ZNF503: variants seen among roughly 807,000 people sequenced by gnomAD.
The protein encoded by ZNF503 is NocA-like zinc finger 2.
In ZNF503, 15 loss-of-function variants were observed where a neutral mutation model predicts 34.4. The observed-to-expected ratio is 0.44, with a 90% CI of 0.29 to 0.67. ZNF503 has a LOEUF of 0.67. Among genes scored for constraint, ZNF503 ranks in the 30% least tolerant of loss-of-function variants. ZNF503 has a pLI of 0.13. For missense variants in ZNF503, 1,007 were observed against 926.8 expected, an observed-to-expected ratio of 1.09 and a Z score of -1.12; for synonymous variants, 580 against 456.8, an observed-to-expected ratio of 1.27 and a Z score of -3.44.
the ZNF503 span, among the ~76,000 whole-genome samples, chr10:75,391,829 A>C: frequency 6.6e-6 from 1 of 151,564 alleles, no homozygotes; most frequent in South Asian, 2.1e-4. Flanking sequence ...TTGAGCACCT[A>C]CTATGTTCCA....
chr10:75,363,392 C>G, the ZNF503 span, among the ~76,000 whole-genome samples: 1 of 152,176 alleles, frequency 6.6e-6, no homozygotes. Flanking sequence ...GCATCCTTCT[C>G]AGAGACCGGA....
At chr10:75,336,751 G>C in the ZNF503 span, among the ~76,000 whole-genome samples, 37 of 152,286 alleles carry the variant, frequency 2.4e-4, no homozygotes, top group South Asian at 7.5e-3. Context: ...CATTCAGGTT[G>C]TTGGCAGATT....
the ZNF503 span, among the ~76,000 whole-genome samples, chr10:75,311,978 C>T: frequency 6.6e-6 from 1 of 151,900 alleles, no homozygotes. Flanking sequence ...CTTCTGGCCT[C>T]AAGTGGTCCG....
At chr10:75,376,132 A>G in the ZNF503 span, among the ~76,000 whole-genome samples, 1 of 152,152 alleles carries the variant, frequency 6.6e-6, no homozygotes, top group African/African-American at 2.4e-5. Flanking sequence ...CTTGCTCTTA[A>G]GAAGTGCCAG....
the ZNF503 span, among the ~76,000 whole-genome samples, chr10:75,332,851 A>T: frequency 7.0e-6 from 1 of 142,860 alleles, no homozygotes; most frequent in Non-Finnish European, 1.5e-5. Flanking sequence ...GCAGAACAAA[A>T]TGAAAAGTCT....
rs1589132827 is a variant in ZNF503, at chr10:75,398,645, TC to T, written c.*103del. 6.4e-6 allele frequency: 7 copies of T among 1,092,826 alleles called. No individual in the cohort carries two copies. In the East Asian group the frequency reaches 1.9e-4, roughly 29 times the overall value. 67.7% of individuals were successfully genotyped at this position (1,092,826 alleles called of 1,614,324 possible). On this transcript the variant is annotated 3_prime_UTR_variant, in exon 2 of 2. Transcript: ENST00000372524. ...TTCTTTCCTTTCGTGGCCCGAGTCC[TC>T]CCCACGCGCGGGTGTCAGCAGCCTG...
the ZNF503 span, among the ~76,000 whole-genome samples, chr10:75,297,886 G>A: frequency 6.6e-6 from 1 of 152,076 alleles, no homozygotes; most frequent in South Asian, 2.1e-4. Context: ...TCTCATCCCA[G>A]CTTCTCCCCA....
intron 1 of ZNF503, 73 bp downstream of exon 1, chr10:75,401,032 C>A: frequency 6.3e-7 from 1 of 1,598,700 alleles, no homozygotes; most frequent in South Asian, 1.1e-5. Context: ...CCGCCCAGAT[C>A]CCGAGAAAAA....
At chr10:75,360,793 A>C in the ZNF503 span, 146 of 152,374 alleles carry the variant, frequency 9.6e-4, no homozygotes, top group African/African-American at 3.3e-3. Context: ...AAATCCATGG[A>C]GAATCTTCAA....
At chr10:75,306,439 G>T in the ZNF503 span, among the ~76,000 whole-genome samples, 1 of 152,024 alleles carries the variant, frequency 6.6e-6, no homozygotes, top group Admixed American at 6.6e-5. Flanking sequence ...ACATATTCTG[G>T]ATATAAATCT....
chr10:75,318,136 G>A, the ZNF503 span, among the ~76,000 whole-genome samples: 3 of 152,044 alleles, frequency 2.0e-5, no homozygotes, highest in Non-Finnish European at 2.9e-5. Context: ...GTAAGATTGT[G>A]GTAATAATTT....
Position 75,399,923 on chromosome 10 carries a change from T to C in ZNF503, c.767A>G (p.Lys256Arg). ...GGAPEGKDDK[K>R]DTDVGGGGKG... ...GCCACCGCCGCCCACGTCGGTGTCT[T>C]TCTTGTCGTCCTTGCCCTCCGGGGC... is the stretch of plus-strand genomic sequence containing the variant. The change falls in exon 2 of 2, where the codon AAA becomes AGA. Residue 256 changes from lysine (K) to arginine (R), a missense_variant. Coordinates refer to ENST00000372524, the MANE Select transcript of ZNF503 (RefSeq NM_032772.6). The C allele has an allele frequency of 6.2e-7, 1 of 1,606,460 alleles. No homozygotes were observed.
At chr10:75,317,527 C>T in the ZNF503 span, among the ~76,000 whole-genome samples, 22 of 151,784 alleles carry the variant, frequency 1.4e-4, no homozygotes, top group Non-Finnish European at 2.4e-4. Context: ...CCTCGTGATC[C>T]GCCTGTCTTA....
chr10:75,348,581 A>T, the ZNF503 span, among the ~76,000 whole-genome samples: 9 of 135,198 alleles, frequency 6.7e-5, no homozygotes, highest in African/African-American at 2.6e-4. Flanking sequence ...GCACAATCTC[A>T]GCTCACTGCA....
At chr10:75,373,438 T>C in the ZNF503 span, 2 of 152,118 alleles carry the variant, frequency 1.3e-5, no homozygotes, top group Non-Finnish European at 2.9e-5. Context: ...TGTACCTCCT[T>C]GTCTCAGTGT....
the ZNF503 span, among the ~76,000 whole-genome samples, chr10:75,328,768 C>T: frequency 1.2e-4 from 13 of 110,552 alleles, no homozygotes; most frequent in East Asian, 7.3e-4. Flanking sequence ...TTTTTTGAGA[C>T]GAAGTCTCGC....
the ZNF503 span, among the ~76,000 whole-genome samples, chr10:75,332,463 T>C: frequency 1.4e-5 from 1 of 71,670 alleles, no homozygotes; most frequent in Non-Finnish European, 2.9e-5. Context: ...TCAGTTTAAA[T>C]TTTTCTTTTT....
At chr10:75,306,622 GTT>G in the ZNF503 span, among the ~76,000 whole-genome samples, 1 of 152,020 alleles carries the variant, frequency 6.6e-6, no homozygotes, top group Non-Finnish European at 1.5e-5. Flanking sequence ...AATGTGTTGT[GTT>G]TTTTACAAAT....
chr10:75,315,472 T>C, the ZNF503 span, among the ~76,000 whole-genome samples: 1 of 152,248 alleles, frequency 6.6e-6, no homozygotes, highest in Non-Finnish European at 1.5e-5. Context: ...GGAAGTAAAG[T>C]GTGGAGTTTC....
Sources: allele counts gnomAD v4.1 joint callset (sites outside exome capture counted in the v4.1 genomes callset), GRCh38; gene constraint gnomAD v4.1.1; transcripts MANE v1.5; gene names NCBI Gene and HGNC (gene_info 2026-07-23, HGNC 2026-07-21).